Variants in PURG observed in about 807,000 individuals in gnomAD.
The protein encoded by PURG is purine rich element binding protein G.
PURG carries 3 observed loss-of-function variants against 24.3 expected under a neutral mutation model. That is an observed-to-expected ratio of 0.12 (90% CI 0.06 to 0.32). The LOEUF (loss-of-function observed/expected upper bound fraction) is 0.32. PURG is among the 10% of genes least tolerant of loss of function. PURG has a pLI of 1.00. For synonymous variants in PURG, 180 were observed against 173.1 expected (o/e 1.04, Z -0.31); for missense variants, 371 against 439.1 (o/e 0.84, Z 1.39).
intron 1 of PURG, among the ~76,000 whole-genome samples, chr8:31,013,173 A>T (rs1810795590): frequency 6.6e-6 from 1 of 152,202 alleles, no homozygotes; most frequent in Admixed American, 6.5e-5. Context: ...CATTAAATAT[A>T]ATATTTGGGC....
At chr8:31,008,897 AG>A (rs778277800) in intron 1 of PURG, among the ~76,000 whole-genome samples, 6 of 152,172 alleles carry the variant, frequency 3.9e-5, no homozygotes, top group Non-Finnish European at 8.8e-5. Flanking sequence ...TGATAACTTT[AG>A]GGGATCCAAT....
At chr8:31,007,168 T>C (rs929351800) in intron 1 of PURG, among the ~76,000 whole-genome samples, 2 of 152,186 alleles carry the variant, frequency 1.3e-5, no homozygotes, top group African/African-American at 4.8e-5. Context: ...TGCTGTTTCA[T>C]GTAAACATTT....
chr8:31,016,563 T>C (rs1001863205), intron 1 of PURG, among the ~76,000 whole-genome samples: 8 of 52,644 alleles, frequency 1.5e-4, no homozygotes, highest in Non-Finnish European at 2.2e-4. Context: ...GAAGAAAGAA[T>C]GCAAGTCTAC....
chr8:31,017,590 C>G (rs917101851), intron 1 of PURG, among the ~76,000 whole-genome samples: 1 of 152,108 alleles, frequency 6.6e-6, no homozygotes, highest in African/African-American at 2.4e-5. Context: ...CACTTGAAAT[C>G]TGGAAATGTT....
At chr8:31,005,985 T>C (rs1280327005) in intron 1 of PURG, among the ~76,000 whole-genome samples, 1 of 152,080 alleles carries the variant, frequency 6.6e-6, no homozygotes, top group East Asian at 1.9e-4. Flanking sequence ...ACCTTATGCC[T>C]CTTGGTGCAC....
chr8:31,009,592 C>T (rs1437044310), intron 1 of PURG, among the ~76,000 whole-genome samples: 1 of 152,158 alleles, frequency 6.6e-6, no homozygotes, highest in Non-Finnish European at 1.5e-5. Flanking sequence ...TCCTAGCTAA[C>T]AGTATGCTTT....
At chr8:31,017,539 T>C (rs1468071326) in intron 1 of PURG, among the ~76,000 whole-genome samples, 2 of 152,126 alleles carry the variant, frequency 1.3e-5, no homozygotes, top group Non-Finnish European at 2.9e-5. Context: ...TGTGATAACA[T>C]TTAAATCACT....
chr8:31,032,809 C>G lies in PURG; in HGVS notation c.-6-21G>C, dbSNP rs777230845. On this transcript the variant is annotated intron_variant, in intron 1 of 1. Transcript: ENST00000523392. This position sits in a 1 kb window ranked among gnomAD's most constrained non-coding sequence, Gnocchi z 5.9. ...TTCAGCTGCAAGTAACAAACAGACA[C>G]ACGGGATGGGGTGGGGGAGGGGTGT... The G allele has an allele frequency of 7.2e-7, 1 of 1,390,448 alleles. No homozygotes were observed. The allele number at this position is 1,390,448 out of a possible 1,614,324, so 86.1% of individuals were successfully genotyped here.
intron 1 of PURG, among the ~76,000 whole-genome samples, chr8:31,023,187 C>T (rs1278195785): frequency 6.6e-6 from 1 of 152,178 alleles, no homozygotes; most frequent in African/African-American, 2.4e-5. Flanking sequence ...CTAACAACAG[C>T]CAATTCATTC....
chr8:31,032,729 C>T lies in PURG; in HGVS notation c.54G>A (p.Lys18=), dbSNP rs1811263536. The change falls in exon 2 of 2, where the codon AAG becomes AAA. Residue 18 remains lysine (K), a synonymous_variant. Transcript: ENST00000523392. This position sits in a 1 kb window ranked among gnomAD's most constrained non-coding sequence, Gnocchi z 5.9. ...TGCTTAGGCCAGAGCCCCCTACATT[C>T]TTGCCTCCGCGGCCGCGGCCGCCGC... The part of the protein sequence containing the change: ...GGGGGRGRGG[K]NVGGSGLSKS... The T allele has an allele frequency of 1.4e-6, 2 of 1,450,238 alleles. No individual in the cohort carries two copies. The highest frequency in any genetic ancestry group is 1.4e-5 in the African/African-American group (1 of 70,388). 89.8% of individuals were successfully genotyped at this position (1,450,238 alleles called of 1,614,324 possible). A position where few individuals can be genotyped will look rare whatever the true frequency, so the allele number is the denominator to read the frequency against.
chr8:30,999,612 A>G (rs560685440), intron 1 of PURG, among the ~76,000 whole-genome samples: 1 of 152,092 alleles, frequency 6.6e-6, no homozygotes, highest in South Asian at 2.1e-4. Flanking sequence ...AGTGGCATTA[A>G]CCTTTATAAT....
At chr8:31,006,576 T>G (rs1317190155) in intron 1 of PURG, among the ~76,000 whole-genome samples, 1 of 152,114 alleles carries the variant, frequency 6.6e-6, no homozygotes, top group Admixed American at 6.6e-5. Context: ...AGACAATTAT[T>G]TCTCTAATTT....
intron 1 of PURG, among the ~76,000 whole-genome samples, chr8:31,016,408 A>T (rs1810865017): frequency 6.6e-6 from 1 of 151,222 alleles, no homozygotes; most frequent in Non-Finnish European, 1.5e-5. Flanking sequence ...AGATAAATAA[A>T]TACATAGATA....
At chr8:31,022,859 A>C (rs1239885550) in intron 1 of PURG, among the ~76,000 whole-genome samples, 2 of 152,236 alleles carry the variant, frequency 1.3e-5, no homozygotes, top group Non-Finnish European at 2.9e-5. Flanking sequence ...TAAATTAGCA[A>C]ATGATAAGGA....
chr8:31,029,518 G>T (rs1563310826), downstream of PURG, among the ~76,000 whole-genome samples: 1 of 151,504 alleles, frequency 6.6e-6, no homozygotes, highest in African/African-American at 2.4e-5. Context: ...ATGTCTGTGT[G>T]TATATATATA....
chr8:31,018,928 C>T (rs1810925300), intron 1 of PURG, among the ~76,000 whole-genome samples: 1 of 150,360 alleles, frequency 6.7e-6, no homozygotes, highest in East Asian at 1.9e-4. Context: ...GAGATCGAGA[C>T]CATTCTGGCT....
intron 1 of PURG, among the ~76,000 whole-genome samples, chr8:31,025,436 TAG>T (rs1811072458): frequency 6.6e-6 from 1 of 151,972 alleles, no homozygotes; most frequent in Middle Eastern, 3.2e-3. Context: ...CTACCAAATA[TAG>T]AGTTATTATT....
intron 1 of PURG, among the ~76,000 whole-genome samples, chr8:30,999,433 A>G (rs1309547628): frequency 6.6e-6 from 1 of 151,862 alleles, no homozygotes; most frequent in Admixed American, 6.6e-5. Flanking sequence ...TGAAATTAGG[A>G]TAGAGGAGGA....
chr8:31,032,316 G>A lies in PURG; in HGVS notation c.467C>T (p.Ser156Phe). The A allele has an allele frequency of 6.2e-7, 1 of 1,612,836 alleles. No individual in the cohort carries two copies. ...TTCGGACCCCACCGAGACTGGTGGG[G>A]AGGGTGCCGAGTGCTTCTGCCTCCT... ...SRRRQKHSAP[S>F]PPVSVGSEEH... Residue 156 changes from serine to phenylalanine, a missense_variant, in exon 2 of 2, where the codon TCC (serine) becomes TTC (phenylalanine). Ser to Phe is a radical substitution (Grantham distance 155). Coordinates refer to ENST00000523392, the MANE Select transcript of PURG (RefSeq NM_001323311.2). The surrounding 1 kb of genome is among the most constrained non-coding windows in gnomAD (Gnocchi z 5.9).
Sources: allele counts gnomAD v4.1 joint callset (sites outside exome capture counted in the v4.1 genomes callset), GRCh38; gene constraint gnomAD v4.1.1; non-coding constraint Gnocchi (gnomAD v3.1); transcripts MANE v1.5; gene names NCBI Gene and HGNC (gene_info 2026-07-23, HGNC 2026-07-21).